STX8: variants seen among roughly 807,000 people sequenced by gnomAD.
The protein encoded by STX8 is syntaxin 8.
Under a neutral mutation model 37.5 loss-of-function variants are expected in STX8, and 23 were observed. That is an observed-to-expected ratio of 0.61 (90% CI 0.44 to 0.87). The LOEUF is 0.87. STX8 is among the 40% of genes least tolerant of loss of function. STX8 has a pLI of 0.00. For synonymous variants in STX8, 115 were observed against 99.1 expected, an observed-to-expected ratio of 1.16 and a Z score of -0.95; for missense variants, 313 against 284.7, an observed-to-expected ratio of 1.10 and a Z score of -0.71.
At chr17:9,483,514 C>A (rs1272851494) in intron 6 of STX8, among the ~76,000 whole-genome samples, 3 of 152,138 alleles carry the variant, frequency 2.0e-5, no homozygotes, top group Admixed American at 6.5e-5. Flanking sequence ...ACTAGGATAT[C>A]TTTGGGGGTC....
chr17:9,570,596 C>T (rs1164779347), intron 1 of STX8, among the ~76,000 whole-genome samples: 3 of 151,476 alleles, frequency 2.0e-5, no homozygotes, highest in Non-Finnish European at 2.9e-5. Context: ...CAAGAAAACA[C>T]AGAATTAAGA....
chr17:9,468,514 G>A (rs577774336), intron 6 of STX8, among the ~76,000 whole-genome samples: 12 of 152,304 alleles, frequency 7.9e-5, no homozygotes, highest in East Asian at 7.7e-4. Context: ...GTCCCCATCC[G>A]ACCCAGGTGA....
intron 7 of STX8, among the ~76,000 whole-genome samples, chr17:9,298,162 TC>T (rs1908634448): frequency 3.5e-5 from 1 of 28,222 alleles, no homozygotes; most frequent in Non-Finnish European, 7.2e-5. Flanking sequence ...GAAAGCACAC[TC>T]TGTTTCTGAC....
chr17:9,541,430 C>T (rs1031897236), intron 4 of STX8, among the ~76,000 whole-genome samples: 87 of 152,190 alleles, frequency 5.7e-4, no homozygotes, highest in Non-Finnish European at 6.2e-4. Context: ...AGCCTGAGTT[C>T]CCTCCTAGCC....
intron 7 of STX8, among the ~76,000 whole-genome samples, chr17:9,352,800 G>T (rs754398147): frequency 6.6e-6 from 1 of 151,964 alleles, no homozygotes; most frequent in Non-Finnish European, 1.5e-5. Flanking sequence ...CTGTGGATAC[G>T]CAAACTCATG....
intron 4 of STX8, among the ~76,000 whole-genome samples, chr17:9,544,192 G>T (rs1253129884): frequency 6.6e-6 from 1 of 152,204 alleles, no homozygotes; most frequent in Non-Finnish European, 1.5e-5. Flanking sequence ...CCCTAGCGTG[G>T]AAGATGAGGA....
chr17:9,411,103 A>G (rs1317639896), intron 6 of STX8, among the ~76,000 whole-genome samples: 1 of 152,240 alleles, frequency 6.6e-6, no homozygotes, highest in Non-Finnish European at 1.5e-5. Context: ...TCATGTGGAC[A>G]AGGAGCATTT....
chr17:9,306,149 G>A (rs1389133147), intron 7 of STX8, among the ~76,000 whole-genome samples: 2 of 152,020 alleles, frequency 1.3e-5, no homozygotes, highest in Non-Finnish European at 1.5e-5. Flanking sequence ...ACAATATTCT[G>A]CATAGTAATA....
At chr17:9,443,921 T>G (rs1186840275) in intron 6 of STX8, among the ~76,000 whole-genome samples, 1 of 152,214 alleles carries the variant, frequency 6.6e-6, no homozygotes, top group African/African-American at 2.4e-5. Flanking sequence ...TTTTGGCCCT[T>G]CCTCAAAGTT....
At chr17:9,281,152 G>A (rs938675818) in intron 7 of STX8, among the ~76,000 whole-genome samples, 1 of 152,150 alleles carries the variant, frequency 6.6e-6, no homozygotes, top group African/African-American at 2.4e-5. Context: ...GACTAGAGGG[G>A]GCAGAACTGG....
At chr17:9,439,642 C>T (rs781605261) in intron 6 of STX8, among the ~76,000 whole-genome samples, 2 of 151,494 alleles carry the variant, frequency 1.3e-5, no homozygotes, top group South Asian at 2.1e-4. Flanking sequence ...ACTACAGGTG[C>T]GTGCCACCAT....
At position 9,268,441 on chromosome 17, in the gene STX8, G is replaced by A. The variant is rs371048361; in HGVS notation, c.644-17796C>T. On this transcript the variant is annotated intron_variant, in intron 7 of 7. Transcript: ENST00000306357. ...AGTCAGGCTGCAGAGCTCTGACCCC[G>A]AGCACATGGTATGCAAACAGGAGTA... Among the ~76,000 whole-genome samples, 6 of 152,264 alleles carry A rather than the reference G, an allele frequency of 3.9e-5. No homozygotes were observed. In the East Asian group the frequency reaches 5.8e-4, roughly 15 times the overall value.
chr17:9,272,668 G>C (rs1417806367), intron 7 of STX8, among the ~76,000 whole-genome samples: 1 of 152,222 alleles, frequency 6.6e-6, no homozygotes, highest in Non-Finnish European at 1.5e-5. Flanking sequence ...AACACCGTGG[G>C]TGAGGAAATG....
chr17:9,545,361 G>C, intron 3 of STX8, 79 bp from the exon 4 acceptor site: 1 of 1,066,558 alleles, frequency 9.4e-7, no homozygotes. Flanking sequence ...AGCTCTTCAA[G>C]TCAGTTGTGG....
In STX8 at chr17:9,250,589, G is replaced by T; in HGVS notation, c.700C>A (p.Pro234Thr). The change falls in exon 8 of 8, where the codon CCG becomes ACG. Residue 234 changes from proline to threonine, a missense_variant. Physicochemically the swap from Pro to Thr is conservative, Grantham distance 38. Coordinates refer to ENST00000306357, the MANE Select transcript of STX8 (RefSeq NM_004853.3). ...TCTCTTTACTGCCATCAGTTGGTCG[G>T]CCAGACTGCAACAACCACGATAGCC... Reference protein sequence around the residue: ...LVAIVVVAVWPTN With the variant: ...LVAIVVVAVWTTN The T allele has an allele frequency of 6.3e-7, 1 of 1,595,346 alleles. No homozygotes were observed. The highest frequency in any genetic ancestry group is 1.1e-5 in the South Asian group (1 of 87,754).
intron 6 of STX8, among the ~76,000 whole-genome samples, chr17:9,417,466 TA>T (rs1913243068): frequency 6.6e-6 from 1 of 152,150 alleles, no homozygotes; most frequent in Non-Finnish European, 1.5e-5. Flanking sequence ...ATAAAAAATC[TA>T]TTTGTCTTTG....
chr17:9,421,389 T>C lies in STX8; in HGVS notation c.542-42736A>G, dbSNP rs1410995116. Among the ~76,000 whole-genome samples the C allele has an allele frequency of 7.0e-5, 6 of 85,476 alleles. 1 individual carries two copies. In the East Asian group the frequency reaches 1.5e-3, roughly 22 times the overall value. 56.1% of individuals were successfully genotyped at this position (85,476 alleles called of 152,430 possible). ...CCTGGGCAATAAGAGCAAAACTCCATCTCAAAAAAAAAAAAAAAAAAAATT... is the reference window on the plus strand; with the variant it reads ...CCTGGGCAATAAGAGCAAAACTCCACCTCAAAAAAAAAAAAAAAAAAAATT... On this transcript the variant is annotated intron_variant, in intron 6 of 7. Transcript: ENST00000306357.
chr17:9,474,414 C>T lies in STX8; in HGVS notation c.541+17415G>A, dbSNP rs568895632. ...TTGAGATGGAGTCTCACTCTGTCAC[C>T]CAGACTGGAGTGCAATGGCGCAATC... is the stretch of plus-strand genomic sequence containing the variant. On this transcript the variant is annotated intron_variant, in intron 6 of 7. Coordinates refer to ENST00000306357, the MANE Select transcript of STX8 (RefSeq NM_004853.3). Among the ~76,000 whole-genome samples the T allele has an allele frequency of 2.5e-4, 38 of 152,138 alleles. No individual in the cohort carries two copies. The East Asian group carries it at 7.0e-3, about 28-fold the overall frequency.
intron 6 of STX8, among the ~76,000 whole-genome samples, chr17:9,465,546 G>T (rs1411016990): frequency 2.6e-5 from 4 of 152,138 alleles, no homozygotes; most frequent in African/African-American, 9.7e-5. Context: ...TTGTGTGCCG[G>T]AGAAATGTAT....
Sources: gnomAD v4.1 joint callset for allele counts (sites outside exome capture counted in the v4.1 genomes callset) on GRCh38, gnomAD v4.1.1 for gene constraint, MANE v1.5 for transcripts, NCBI Gene and HGNC (gene_info 2026-07-23, HGNC 2026-07-21) for gene names.